Variants in ELOVL5 observed in about 807,000 individuals in gnomAD.
The protein encoded by ELOVL5 is ELOVL fatty acid elongase 5.
A neutral mutation model predicts 38.6 loss-of-function variants in ELOVL5; 8 were observed. That is an observed-to-expected ratio of 0.21 (90% confidence interval 0.12 to 0.37). The LOEUF is 0.37. Ranked by LOEUF, ELOVL5 falls within the 10% of genes least tolerant of loss-of-function variation. The probability of loss-of-function intolerance (pLI) is 1.00; values close to 1 mark genes in which losing one functional copy is unlikely to be tolerated. For missense variants in ELOVL5, 280 were observed against 367.8 expected (o/e 0.76, Z 1.95); for synonymous variants, 127 against 133.7 (o/e 0.95, Z 0.34).
chr6:53,284,142 C>T (rs954392598), intron 3 of ELOVL5, among the ~76,000 whole-genome samples: 6 of 151,882 alleles, frequency 4.0e-5, no homozygotes, highest in Non-Finnish European at 5.9e-5. Context: ...TCCATCTCTA[C>T]AAAAAATAAA....
intron 3 of ELOVL5, among the ~76,000 whole-genome samples, chr6:53,276,487 G>C (rs770051276): frequency 2.6e-5 from 4 of 152,140 alleles, no homozygotes; most frequent in Non-Finnish European, 5.9e-5. Context: ...GCTGCCCTCA[G>C]AGACCTTCCT....
intron 1 of ELOVL5, among the ~76,000 whole-genome samples, chr6:53,348,094 C>G (rs1769646413): frequency 6.7e-6 from 1 of 149,454 alleles, no homozygotes; most frequent in South Asian, 2.1e-4. Context: ...CAGAAAGGGC[C>G]GCCCCGGTCG....
chr6:53,273,179 A>ACCTCTTCCTGTATCC (rs774228952), intron 6 of ELOVL5, 41 bp downstream of exon 6: 1 of 1,609,424 alleles, frequency 6.2e-7, no homozygotes, highest in East Asian at 2.2e-5. Context: ...GTCTGTATCC[A>ACCTCTTCCTGTATCC]CCAGGAAGTA....
In ELOVL5 at chr6:53,291,905, A is replaced by G; in HGVS notation, c.117T>C (p.Ser39=). 1 of 1,611,114 alleles carries G rather than the reference A, an allele frequency of 6.2e-7. No homozygotes were observed. Among genetic ancestry groups the G allele is most frequent in the East Asian group, 2.2e-5 (1 of 44,828 alleles). Residue 39 remains serine, a synonymous_variant, in exon 3 of 8, where the codon TCT becomes TCC. Transcript: ENST00000304434. The stretch of plus-strand genomic sequence containing the variant: ...GCCATACAATTAGTAAATATATGAC[A>G]GAGCAGATAAATGTGGGTATATAAT... ...LDNYIPTFIC[S]VIYLLIVWLG...
In ELOVL5 at chr6:53,276,216, CAGA is replaced by C; in HGVS notation, c.284_286del (p.Phe95del). 2.5e-6 allele frequency: 4 copies of C among 1,613,714 alleles called. No individual in the cohort carries two copies. The highest frequency in any genetic ancestry group is 3.4e-6 in the Non-Finnish European group (4 of 1,179,664). On this transcript the variant is annotated inframe_deletion, in exon 4 of 8. Transcript: ENST00000304434. ...TTCTCCTGCGGTGCGTGTGCCCTGA[CAGA>C]AGAAGTTGTATTTGCCTTCCCATAC...
At chr6:53,336,769 T>C (rs1181785987) in intron 1 of ELOVL5, among the ~76,000 whole-genome samples, 1 of 152,240 alleles carries the variant, frequency 6.6e-6, no homozygotes, top group Non-Finnish European at 1.5e-5. Flanking sequence ...TGGTATATTC[T>C]ACCTGAAAGC....
At chr6:53,305,649 G>A (rs1470520135) in intron 1 of ELOVL5, among the ~76,000 whole-genome samples, 1 of 150,680 alleles carries the variant, frequency 6.6e-6, no homozygotes, top group African/African-American at 2.4e-5. Flanking sequence ...ATGGGATGGC[G>A]GCCGGGAAGA....
At chr6:53,287,305 C>A (rs969636034) in intron 3 of ELOVL5, among the ~76,000 whole-genome samples, 1 of 152,198 alleles carries the variant, frequency 6.6e-6, no homozygotes, top group Non-Finnish European at 1.5e-5. Context: ...TCTTTGACTA[C>A]TAAATAACTT....
intron 1 of ELOVL5, among the ~76,000 whole-genome samples, chr6:53,342,264 T>C (rs1237207621): frequency 6.6e-6 from 1 of 152,230 alleles, no homozygotes; most frequent in Non-Finnish European, 1.5e-5. Context: ...CCTAGGGAGA[T>C]ACATCACATT....
chr6:53,311,611 A>G (rs139848174), intron 1 of ELOVL5, among the ~76,000 whole-genome samples: 226 of 152,366 alleles, frequency 1.5e-3, no homozygotes, highest in Admixed American at 3.1e-3. Context: ...ATTAATAAAC[A>G]AAATGTTGTA....
intron 1 of ELOVL5, among the ~76,000 whole-genome samples, chr6:53,322,234 G>A (rs918917003): frequency 6.6e-6 from 1 of 152,136 alleles, no homozygotes; most frequent in Non-Finnish European, 1.5e-5. Context: ...ATTCACTTCT[G>A]GTGAGAGAGG....
intron 1 of ELOVL5, among the ~76,000 whole-genome samples, chr6:53,306,096 CGGCA>C (rs1369085795): frequency 6.7e-6 from 1 of 150,104 alleles, no homozygotes; most frequent in Non-Finnish European, 1.5e-5. Context: ...TGCAGGCACT[CGGCA>C]GGCGGAGGCA....
chr6:53,323,851 G>T (rs1768398081), intron 1 of ELOVL5, among the ~76,000 whole-genome samples: 1 of 152,066 alleles, frequency 6.6e-6, no homozygotes, highest in African/African-American at 2.4e-5. Context: ...GACCATTACG[G>T]GCATGGGCCA....
chr6:53,312,704 A>G (rs546894129), intron 1 of ELOVL5, among the ~76,000 whole-genome samples: 1 of 152,358 alleles, frequency 6.6e-6, no homozygotes, highest in East Asian at 1.9e-4. Context: ...TTACAACTGC[A>G]TATGAATCTA....
chr6:53,271,653 G>C (rs1158579618), intron 6 of ELOVL5, among the ~76,000 whole-genome samples: 2 of 152,156 alleles, frequency 1.3e-5, no homozygotes, highest in East Asian at 1.9e-4. Context: ...TTTTGAGACA[G>C]GGTCTATGTT....
rs79899914 is a variant in ELOVL5, at chr6:53,296,140, G to A, written c.-8-433C>T. Among the ~76,000 whole-genome samples, 1,141 of 151,830 alleles carry A rather than the reference G, an allele frequency of 7.5e-3. 20 individuals carry two copies. Among genetic ancestry groups the A allele is most frequent in the African/African-American group, 0.026 (1,087 of 41,360 alleles). ...CCACAGTGACAAGACAGTTTTTTCCGCTTGTTACTTTTATCAATTATTATT... is the reference window on the plus strand; with the variant it reads ...CCACAGTGACAAGACAGTTTTTTCCACTTGTTACTTTTATCAATTATTATT... On this transcript the variant is annotated intron_variant, in intron 1 of 7. Coordinates refer to ENST00000304434, the MANE Select transcript of ELOVL5 (RefSeq NM_021814.5).
intron 1 of ELOVL5, among the ~76,000 whole-genome samples, chr6:53,339,083 AG>A (rs1455669992): frequency 1.3e-5 from 2 of 152,202 alleles, no homozygotes; most frequent in Non-Finnish European, 2.9e-5. Flanking sequence ...TTTGGGTGTG[AG>A]GGTGAGTGAG....
At chr6:53,310,555 T>C (rs1767787929) in intron 1 of ELOVL5, among the ~76,000 whole-genome samples, 1 of 152,190 alleles carries the variant, frequency 6.6e-6, no homozygotes, top group Non-Finnish European at 1.5e-5. Context: ...AAATTTGTAG[T>C]TGGTCCAAAA....
chr6:53,308,867 G>T (rs963026666), intron 1 of ELOVL5, among the ~76,000 whole-genome samples: 5 of 130,208 alleles, frequency 3.8e-5, no homozygotes, highest in African/African-American at 8.6e-5. Flanking sequence ...CCACCAGCTG[G>T]GGGGAGGGGA....
Sources: allele counts gnomAD v4.1 joint callset (sites outside exome capture counted in the v4.1 genomes callset), GRCh38; gene constraint gnomAD v4.1.1; transcripts MANE v1.5; gene names NCBI Gene and HGNC (gene_info 2026-07-23, HGNC 2026-07-21).